Variants in GPHN observed in about 807,000 individuals in gnomAD.
The protein encoded by GPHN is gephyrin.
In GPHN, 17 loss-of-function variants were observed where a neutral mutation model predicts 95.5. That is an observed-to-expected ratio of 0.18 (90% confidence interval 0.12 to 0.27). GPHN has a LOEUF of 0.27. Among genes scored for constraint, GPHN ranks in the 10% least tolerant of loss-of-function variants. The pLI is 1.00. For missense variants in GPHN, 660 were observed against 978.1 expected (o/e 0.67, Z 4.34); for synonymous variants, 320 against 322.5 (o/e 0.99, Z 0.08).
intron 2 of GPHN, among the ~76,000 whole-genome samples, chr14:66,723,165 C>G (rs1023098682): frequency 6.8e-6 from 1 of 146,432 alleles, no homozygotes; most frequent in African/African-American, 2.7e-5. Context: ...CATACCTCCA[C>G]AACCAACTAA....
intron 5 of GPHN, among the ~76,000 whole-genome samples, chr14:66,892,416 G>A (rs1010916878): frequency 2.0e-5 from 3 of 152,104 alleles, no homozygotes; most frequent in African/African-American, 7.2e-5. Context: ...GAGTGAGACT[G>A]TCTCTTAAAG....
chr14:67,665,233 A>C, the GPHN span, among the ~76,000 whole-genome samples: 1 of 151,174 alleles, frequency 6.6e-6, no homozygotes, highest in Non-Finnish European at 1.5e-5. Flanking sequence ...TTTGTTAATC[A>C]CAACAGCATC....
At chr14:66,848,996 AT>A (rs1188547199) in intron 4 of GPHN, among the ~76,000 whole-genome samples, 3 of 151,930 alleles carry the variant, frequency 2.0e-5, no homozygotes, top group Non-Finnish European at 4.4e-5. Flanking sequence ...TATGCCATGT[AT>A]TTTTATAAGT....
intron 5 of GPHN, among the ~76,000 whole-genome samples, chr14:66,885,430 TG>T (rs2064139070): frequency 6.6e-6 from 1 of 152,168 alleles, no homozygotes; most frequent in South Asian, 2.1e-4. Context: ...CATTCTCCAG[TG>T]CTCCAGCTAG....
chr14:66,598,875 A>G (rs1454465836), intron 1 of GPHN, among the ~76,000 whole-genome samples: 2 of 150,986 alleles, frequency 1.3e-5, no homozygotes, highest in Admixed American at 1.3e-4. Context: ...TTCAGTAGCC[A>G]TTTCATTCAG....
chr14:66,902,779 T>G (rs115189409), intron 5 of GPHN, among the ~76,000 whole-genome samples: 118 of 152,222 alleles, frequency 7.8e-4, no homozygotes, highest in African/African-American at 2.5e-3. Flanking sequence ...TCTTGAGAAT[T>G]TTTGCATTTG....
rs574690550 is a variant in GPHN, at chr14:66,825,126, T to G, written c.294+560T>G. Among the ~76,000 whole-genome samples, 5 of 152,226 alleles carry G rather than the reference T, an allele frequency of 3.3e-5. No individual in the cohort carries two copies. The East Asian group carries it at 7.7e-4, about 24-fold the overall frequency. On this transcript the variant is annotated intron_variant, in intron 4 of 22. Coordinates refer to ENST00000478722, the MANE Select transcript of GPHN (RefSeq NM_020806.5). ...AGGAAGCATCTTCAACTATTTTATA[T>G]ATAGGAAGAAAAATTAGGGAAAGAA...
the GPHN span, chr14:67,224,573 T>G: frequency 4.4e-6 from 1 of 226,850 alleles, no homozygotes; most frequent in Non-Finnish European, 8.9e-6. Flanking sequence ...TTTCTCTACT[T>G]TCTTAGCTTT....
chr14:67,473,749 T>A, the GPHN span: 1 of 1,613,404 alleles, frequency 6.2e-7, no homozygotes, highest in South Asian at 1.1e-5. This position sits in a 1 kb window ranked among gnomAD's most constrained non-coding sequence, Gnocchi z 6.5. Flanking sequence ...CGCTCCACGA[T>A]GAGGATGGAG....
At chr14:67,565,957 T>C in the GPHN span, among the ~76,000 whole-genome samples, 1 of 151,986 alleles carries the variant, frequency 6.6e-6, no homozygotes, top group African/African-American at 2.4e-5. Context: ...CCATCTCTAC[T>C]AAAAATACAA....
the GPHN span, among the ~76,000 whole-genome samples, chr14:67,414,110 G>C: frequency 6.6e-6 from 1 of 152,150 alleles, no homozygotes; most frequent in Non-Finnish European, 1.5e-5. Flanking sequence ...AGGCTGTCTT[G>C]GCCCCACCCA....
chr14:67,072,579 A>G (rs186446647), intron 11 of GPHN, among the ~76,000 whole-genome samples: 2 of 152,302 alleles, frequency 1.3e-5, no homozygotes, highest in East Asian at 1.9e-4. Flanking sequence ...AGACAAAAGC[A>G]TAAGAAGAAA....
the GPHN span, chr14:67,685,231 G>GT: frequency 6.3e-7 from 1 of 1,587,060 alleles, no homozygotes; most frequent in Non-Finnish European, 8.6e-7. Context: ...TGAAGAGAGG[G>GT]TAAGACAGGA....
the GPHN span, chr14:67,725,006 G>T: frequency 1.4e-6 from 2 of 1,396,490 alleles, no homozygotes; most frequent in Non-Finnish European, 2.0e-6. Context: ...CTGGGAGAAT[G>T]AATGCTCTGT....
chr14:67,133,578 T>C (rs1415387283), intron 17 of GPHN, among the ~76,000 whole-genome samples: 3 of 152,132 alleles, frequency 2.0e-5, no homozygotes, highest in Non-Finnish European at 2.9e-5. Flanking sequence ...AAAAAAAGTC[T>C]TAACTTTTTT....
At chr14:67,487,321 C>G in the GPHN span, 2 of 152,526 alleles carry the variant, frequency 1.3e-5, no homozygotes, top group Admixed American at 6.5e-5. Flanking sequence ...ACCCCCTCCT[C>G]TTTGCATCCA....
At chr14:66,931,396 A>G (rs992529430) in intron 8 of GPHN, among the ~76,000 whole-genome samples, 3 of 151,756 alleles carry the variant, frequency 2.0e-5, no homozygotes, top group Admixed American at 1.3e-4. Flanking sequence ...ATCTTTCTCT[A>G]TGTTTTGAAA....
chr14:66,940,336 G>C (rs1357223798), intron 8 of GPHN, among the ~76,000 whole-genome samples: 1 of 152,058 alleles, frequency 6.6e-6, no homozygotes, highest in Admixed American at 6.5e-5. Context: ...GACTACTCAT[G>C]TAGAAAGAGG....
At chr14:67,642,786 ACATT>A in the GPHN span, among the ~76,000 whole-genome samples, 1 of 95,774 alleles carries the variant, frequency 1.0e-5, no homozygotes, top group Non-Finnish European at 2.0e-5. Flanking sequence ...GCATGTTACT[ACATT>A]TTCTTTTTTT....
Sources: gnomAD v4.1 joint callset for allele counts (sites outside exome capture counted in the v4.1 genomes callset) on GRCh38, gnomAD v4.1.1 for gene constraint, Gnocchi (gnomAD v3.1) non-coding constraint, MANE v1.5 for transcripts, NCBI Gene and HGNC (gene_info 2026-07-23, HGNC 2026-07-21) for gene names.